MBD5: variants seen among roughly 807,000 people sequenced by gnomAD.
MBD5 encodes the protein methyl-CpG binding domain protein 5.
In MBD5, 13 loss-of-function variants were observed where a neutral mutation model predicts 117.3. The ratio of observed to expected loss-of-function variants is 0.11; its 90% CI spans 0.07 to 0.18. The LOEUF (loss-of-function observed/expected upper bound fraction) is 0.18, where lower values mean the gene tolerates loss of function less well. Ranked by LOEUF, MBD5 falls within the 10% of genes least tolerant of loss-of-function variation. The probability of loss-of-function intolerance (pLI) is 1.00; values close to 1 mark genes in which losing one functional copy is unlikely to be tolerated. For synonymous variants in MBD5, 727 were observed against 766.4 expected (o/e 0.95, Z 0.85); for missense variants, 1,879 against 2,093.8 (o/e 0.90, Z 2.00).
chr2:148,495,364 TTA>T (rs760705411), intron 11 of MBD5, among the ~76,000 whole-genome samples: 1 of 152,212 alleles, frequency 6.6e-6, no homozygotes, highest in Non-Finnish European at 1.5e-5. Context: ...ATCTTTAATT[TTA>T]TGTTAACTAG....
intron 1 of MBD5, among the ~76,000 whole-genome samples, chr2:148,099,415 T>C (rs1696149398): frequency 2.6e-5 from 4 of 152,166 alleles, no homozygotes; most frequent in African/African-American, 7.2e-5. Flanking sequence ...TCAGACTTAA[T>C]TAATGAAAAG....
At chr2:148,446,638 G>A (rs1475866471) in intron 4 of MBD5, among the ~76,000 whole-genome samples, 1 of 151,016 alleles carries the variant, frequency 6.6e-6, no homozygotes, top group Non-Finnish European at 1.5e-5. Flanking sequence ...GTGTAAAACT[G>A]AAATACTTGA....
intron 1 of MBD5, among the ~76,000 whole-genome samples, chr2:148,032,686 T>C (rs1331773104): frequency 3.3e-5 from 5 of 152,184 alleles, no homozygotes; most frequent in East Asian, 1.9e-4. Context: ...CTTAGACTAA[T>C]GTTCCTTAGG....
chr2:148,044,069 A>G (rs935227043), intron 1 of MBD5, among the ~76,000 whole-genome samples: 1 of 152,218 alleles, frequency 6.6e-6, no homozygotes, highest in Non-Finnish European at 1.5e-5. Context: ...AACTGTCTCC[A>G]AGAAGAGTCA....
chr2:148,099,248 A>C (rs866578601), intron 1 of MBD5, among the ~76,000 whole-genome samples: 11 of 152,282 alleles, frequency 7.2e-5, no homozygotes, highest in African/African-American at 2.6e-4. Flanking sequence ...GGAAGTAAAA[A>C]CTTACAAGAA....
chr2:148,176,534 G>A lies in MBD5; in HGVS notation c.-924-2166G>A, dbSNP rs553041163. ...ATCAATTCTCCTGTCTCAGCCTCCC[G>A]AGTAGCTGGGATTGTAGGCGCACAC... On this transcript the variant is annotated intron_variant, in intron 1 of 13. Transcript: ENST00000642680. 2.6e-5 allele frequency among the ~76,000 whole-genome samples: 4 copies of A among 151,250 alleles called. No homozygotes were observed. The East Asian group carries it at 5.8e-4, about 22-fold the overall frequency.
chr2:148,049,441 A>T (rs1000564981), intron 1 of MBD5, among the ~76,000 whole-genome samples: 3 of 152,212 alleles, frequency 2.0e-5, no homozygotes, highest in African/African-American at 7.2e-5. Flanking sequence ...CTTTTGAACA[A>T]GAAAGCAAAC....
chr2:148,478,314 G>C (rs968450773), intron 8 of MBD5, among the ~76,000 whole-genome samples: 3 of 152,202 alleles, frequency 2.0e-5, no homozygotes, highest in African/African-American at 7.2e-5. Flanking sequence ...AGCAGGCACA[G>C]TGGCTCACGC....
intron 5 of MBD5, among the ~76,000 whole-genome samples, chr2:148,461,265 A>G (rs1707068708): frequency 6.6e-6 from 1 of 152,126 alleles, no homozygotes; most frequent in African/African-American, 2.4e-5. Context: ...CAGACCTCCA[A>G]AGACATCTTG....
Position 148,501,995 on chromosome 2 carries a change from A to G in MBD5, c.4963-441A>G, listed in dbSNP as rs79556663. Among the ~76,000 whole-genome samples the G allele has an allele frequency of 2.7e-3, 404 of 152,300 alleles. 1 individual carries two copies. Among genetic ancestry groups the G allele is most frequent in the African/African-American group, 9.3e-3 (385 of 41,560 alleles). ...TGTTTTACTCCTACTAGGAAGTGAA[A>G]AGTAGGATTCAAACTTTGATCTGTT... is the stretch of plus-strand genomic sequence containing the variant. On this transcript the variant is annotated intron_variant, in intron 11 of 13. Coordinates refer to ENST00000642680, the MANE Select transcript of MBD5 (RefSeq NM_001378120.1).
chr2:148,195,636 A>G (rs1246171750), intron 2 of MBD5, among the ~76,000 whole-genome samples: 1 of 152,192 alleles, frequency 6.6e-6, no homozygotes, highest in African/African-American at 2.4e-5. Flanking sequence ...TAATCATGAT[A>G]GAACATATGC....
intron 8 of MBD5, among the ~76,000 whole-genome samples, chr2:148,482,008 A>T (rs1292217115): frequency 1.3e-5 from 2 of 152,162 alleles, no homozygotes; most frequent in African/African-American, 2.4e-5. Flanking sequence ...ATCTTTACGC[A>T]ATCAGAATGG....
intron 4 of MBD5, among the ~76,000 whole-genome samples, chr2:148,403,868 C>T (rs1056421154): frequency 1.3e-5 from 2 of 152,124 alleles, no homozygotes; most frequent in Admixed American, 1.3e-4. Context: ...ATGTTACCCA[C>T]CTCTTTCTTG....
At chr2:148,298,045 G>A (rs998083120) in intron 3 of MBD5, among the ~76,000 whole-genome samples, 8 of 152,332 alleles carry the variant, frequency 5.3e-5, no homozygotes, top group African/African-American at 1.9e-4. Context: ...GTGTGCAGAG[G>A]AGTAGCCTCT....
intron 1 of MBD5, among the ~76,000 whole-genome samples, chr2:148,085,673 G>A (rs1156704244): frequency 6.6e-6 from 1 of 150,958 alleles, no homozygotes; most frequent in Non-Finnish European, 1.5e-5. Context: ...GCAGTGAGCC[G>A]AGATCCCGCC....
intron 4 of MBD5, among the ~76,000 whole-genome samples, chr2:148,397,288 G>A (rs557726467): frequency 1.4e-5 from 2 of 148,126 alleles, no homozygotes; most frequent in Non-Finnish European, 3.0e-5. Context: ...ATACATGAAT[G>A]TGCATCTTGT....
intron 1 of MBD5, among the ~76,000 whole-genome samples, chr2:148,113,471 T>A (rs1470730373): frequency 6.6e-6 from 1 of 152,254 alleles, no homozygotes; most frequent in East Asian, 1.9e-4. Context: ...TCCCCAGTTT[T>A]GTTGGAGGAC....
At chr2:148,395,423 C>CATCTTTT (rs1212431534) in intron 4 of MBD5, among the ~76,000 whole-genome samples, 1 of 135,268 alleles carries the variant, frequency 7.4e-6, no homozygotes, top group Non-Finnish European at 1.6e-5. Flanking sequence ...TGGCCCAACT[C>CATCTTTT]ATCTTTTTTT....
intron 2 of MBD5, among the ~76,000 whole-genome samples, chr2:148,212,690 AAGGTTTT>A (rs1699455433): frequency 6.6e-6 from 1 of 152,186 alleles, no homozygotes; most frequent in Non-Finnish European, 1.5e-5. Flanking sequence ...TGATTTTCCA[AAGGTTTT>A]GGATGAGGGA....
Sources: allele counts gnomAD v4.1 joint callset (sites outside exome capture counted in the v4.1 genomes callset), GRCh38; gene constraint gnomAD v4.1.1; transcripts MANE v1.5; gene names NCBI Gene and HGNC (gene_info 2026-07-23, HGNC 2026-07-21).